Variants in RELN observed in about 807,000 individuals in gnomAD.
The protein encoded by RELN is reelin.
In RELN, 108 loss-of-function variants were observed where a neutral mutation model predicts 427.6. The observed-to-expected ratio is 0.25, with a 90% CI of 0.22 to 0.30. RELN has a LOEUF of 0.30. Ranked by LOEUF, RELN falls within the 10% of genes least tolerant of loss-of-function variation. RELN has a pLI of 1.00. For synonymous variants in RELN, 1,524 were observed against 1,513.4 expected, an observed-to-expected ratio of 1.01 and a Z score of -0.16; for missense variants, 3,715 against 4,302.8, an observed-to-expected ratio of 0.86 and a Z score of 3.82.
chr7:103,636,280 C>T lies in RELN; in HGVS notation c.2258G>A (p.Gly753Glu). ...SGKALVFNKD[G>E]RRQLITSFLD... ...GAAAGATGTAATTAGCTGACGCCGC[C>T]CATCTTTGTTGAAAACCAGGGCCTT... is the stretch of plus-strand genomic sequence containing the variant. The change falls in exon 18 of 65, where the codon GGG becomes GAG. Residue 753 changes from glycine to glutamate, a missense_variant. Physicochemically the swap from Gly to Glu is moderately conservative, Grantham distance 98 (BLOSUM62 -2). Around this residue, in one of 4 missense-constraint regions of RELN, gnomAD observed 2,208 missense variants for 2,361.7 expected, o/e 0.93. Coordinates refer to ENST00000428762, the MANE Select transcript of RELN (RefSeq NM_005045.4). The T allele has an allele frequency of 1.2e-6, 2 of 1,613,964 alleles. No homozygotes were observed. Among genetic ancestry groups the T allele is most frequent in the Non-Finnish European group, 1.7e-6 (2 of 1,179,928 alleles).
intron 2 of RELN, among the ~76,000 whole-genome samples, chr7:103,909,701 A>AAT (rs1401146769): frequency 1.2e-4 from 6 of 50,974 alleles, no homozygotes; most frequent in South Asian, 7.6e-4. Flanking sequence ...ATATATATTT[A>AAT]ATATATATAA....
chr7:103,632,542 C>T (rs138228833), intron 19 of RELN, among the ~76,000 whole-genome samples: 5 of 152,254 alleles, frequency 3.3e-5, no homozygotes, highest in South Asian at 4.1e-4. Flanking sequence ...ACTTCTACAT[C>T]GTATCTTTGG....
intron 51 of RELN, among the ~76,000 whole-genome samples, chr7:103,503,682 A>T (rs1829111085): frequency 6.6e-6 from 1 of 152,196 alleles, no homozygotes; most frequent in South Asian, 2.1e-4. Context: ...TAATAACTGA[A>T]GGTAGTTTAA....
rs199649509 is a variant in RELN, at chr7:103,608,313, A to AT, written c.3008+2381dup. ...CAATGACAATAACTAGTAGAATATG[A>AT]TTTTTTTGAAATGTAGCAATAATGT... On this transcript the variant is annotated intron_variant, in intron 22 of 64. Coordinates refer to ENST00000428762, the MANE Select transcript of RELN (RefSeq NM_005045.4). 8.5e-4 allele frequency among the ~76,000 whole-genome samples: 129 copies of AT among 152,318 alleles called. No homozygotes were observed. In the South Asian group the frequency reaches 0.012, roughly 14 times the overall value.
At chr7:103,523,290 A>T in intron 47 of RELN, 101 bp downstream of exon 47, 2 of 1,322,512 alleles carry the variant, frequency 1.5e-6, no homozygotes, top group Non-Finnish European at 1.1e-6. Context: ...TGTATAACTT[A>T]AGGAAGCATG....
At chr7:103,925,218 A>G (rs1345918748) in intron 1 of RELN, among the ~76,000 whole-genome samples, 3 of 152,076 alleles carry the variant, frequency 2.0e-5, no homozygotes, top group African/African-American at 7.2e-5. Context: ...AAATTCCTAA[A>G]TAGTAATAGT....
chr7:103,505,426 A>G (rs556156400), intron 51 of RELN, among the ~76,000 whole-genome samples: 1 of 152,182 alleles, frequency 6.6e-6, no homozygotes, highest in Non-Finnish European at 1.5e-5. Context: ...CTAGGCAAAC[A>G]GGGTCTGGAG....
intron 2 of RELN, among the ~76,000 whole-genome samples, chr7:103,836,196 G>A (rs1181948951): frequency 6.6e-6 from 1 of 152,054 alleles, no homozygotes; most frequent in Non-Finnish European, 1.5e-5. Flanking sequence ...TGGACCACAA[G>A]TGATCCACCC....
intron 1 of RELN, among the ~76,000 whole-genome samples, chr7:103,934,220 C>G (rs1005723459): frequency 6.6e-6 from 1 of 152,068 alleles, no homozygotes; most frequent in Non-Finnish European, 1.5e-5. Context: ...TGTATCTTTC[C>G]CACTGTGGTT....
intron 1 of RELN, among the ~76,000 whole-genome samples, chr7:103,939,630 C>G (rs555772426): frequency 6.6e-6 from 1 of 152,168 alleles, no homozygotes; most frequent in Admixed American, 6.5e-5. Flanking sequence ...AGCAATTACA[C>G]TTTTACAAAT....
intron 63 of RELN, among the ~76,000 whole-genome samples, chr7:103,482,560 A>G (rs1052204137): frequency 1.3e-5 from 2 of 152,216 alleles, no homozygotes; most frequent in African/African-American, 2.4e-5. Flanking sequence ...AAGGCAACCC[A>G]GATCTGCCTT....
At chr7:103,835,682 T>C (rs1272021110) in intron 2 of RELN, among the ~76,000 whole-genome samples, 3 of 152,210 alleles carry the variant, frequency 2.0e-5, no homozygotes, top group African/African-American at 7.2e-5. Flanking sequence ...TTTAAATTTC[T>C]CTCATTTACT....
At position 103,779,164 on chromosome 7, in the gene RELN, C is replaced by G. The variant is rs545532313; in HGVS notation, c.474-2537G>C. On this transcript the variant is annotated intron_variant, in intron 3 of 64. Transcript: ENST00000428762. ...TGTTCCACAGTGATGCCCTAGGGGT[C>G]TCCATGAGAGTCAAGAGAAGGAGGG... Among the ~76,000 whole-genome samples, 11 of 152,166 alleles carry G rather than the reference C, an allele frequency of 7.2e-5. No individual in the cohort carries two copies. In the East Asian group the frequency reaches 2.1e-3, roughly 29 times the overall value.
intron 22 of RELN, among the ~76,000 whole-genome samples, chr7:103,604,958 T>C (rs1831781866): frequency 6.6e-6 from 1 of 151,314 alleles, no homozygotes; most frequent in African/African-American, 2.4e-5. Flanking sequence ...GCCTCCCAAA[T>C]AGCTGGGATT....
chr7:103,557,937 T>G, intron 37 of RELN, 28 bp downstream of exon 37: 1 of 1,052,062 alleles, frequency 9.5e-7, no homozygotes, highest in South Asian at 1.3e-5. Context: ...AGAATTCTCT[T>G]GAAGGAAAAT....
In RELN at chr7:103,539,303, C is replaced by G; in HGVS notation, c.6955G>C (p.Gly2319Arg). 6.2e-7 allele frequency: 1 copy of G among 1,614,066 alleles called. No homozygotes were observed. Among genetic ancestry groups the G allele is most frequent in the Middle Eastern group, 1.6e-4 (1 of 6,062 alleles). Reference protein sequence around the residue: ...DQILIGGNISGNTVLEDDFTT... With the variant: ...DQILIGGNISRNTVLEDDFTT... ...AAATCATCTTCCAAGACCGTATTAC[C>G]AGAAATATTTCCTCCAATAAGAATC... The change falls in exon 45 of 65, where the codon GGT (glycine) becomes CGT (arginine). Residue 2319 changes from glycine to arginine, a missense_variant. Gly to Arg is a moderately radical substitution (Grantham distance 125). Coordinates refer to ENST00000428762, the MANE Select transcript of RELN (RefSeq NM_005045.4).
At chr7:103,660,738 C>T (rs1833122422) in intron 12 of RELN, among the ~76,000 whole-genome samples, 1 of 152,270 alleles carries the variant, frequency 6.6e-6, no homozygotes, top group South Asian at 2.1e-4. Context: ...TCTGGAATGA[C>T]ATCAGTGAGA....
chr7:103,748,935 C>T (rs531330), intron 6 of RELN, among the ~76,000 whole-genome samples: 79,588 of 151,934 alleles, frequency 0.52, 21,015 homozygotes, highest in African/African-American at 0.55. Context: ...ATTAGACAAG[C>T]TTTTAATGAG....
At chr7:103,696,781 G>A (rs77294480) in intron 10 of RELN, among the ~76,000 whole-genome samples, 357 of 151,966 alleles carry the variant, frequency 2.3e-3, no homozygotes, top group Non-Finnish European at 3.7e-3. Flanking sequence ...TCTTCCTTCC[G>A]TTCAGTCCTC....
Sources: allele counts gnomAD v4.1 joint callset (sites outside exome capture counted in the v4.1 genomes callset), GRCh38; gene constraint gnomAD v4.1.1; regional missense constraint gnomAD v4.1.1; transcripts MANE v1.5; gene names NCBI Gene and HGNC (gene_info 2026-07-23, HGNC 2026-07-21).